Variants in PAN3 observed in about 807,000 individuals in gnomAD.
PAN3 encodes PAN2-PAN3 deadenylation complex subunit PAN3.
PAN3 carries 19 observed loss-of-function variants against 96.2 expected under a neutral mutation model. That is an observed-to-expected ratio of 0.20 (90% CI 0.14 to 0.29). The LOEUF (loss-of-function observed/expected upper bound fraction) is 0.29. Among genes scored for constraint, PAN3 ranks in the 10% least tolerant of loss-of-function variants. The pLI, the probability that PAN3 is intolerant of heterozygous loss-of-function variation, is 1.00. For missense variants in PAN3, 882 were observed against 1,108.1 expected, an observed-to-expected ratio of 0.80 and a Z score of 2.90; for synonymous variants, 433 against 406.6, an observed-to-expected ratio of 1.06 and a Z score of -0.78.
At position 28,173,576 on chromosome 13, in the gene PAN3, C is replaced by A. The variant is rs376479553; in HGVS notation, c.431-696C>A. 2.0e-5 allele frequency among the ~76,000 whole-genome samples: 3 copies of A among 152,162 alleles called. No individual in the cohort carries two copies. In the South Asian group the frequency reaches 6.2e-4, roughly 32 times the overall value. ...CCACATTTTTGTAGTTTGCTTCTTA[C>A]TGGGGTTGAAGGGGGTTTCTCAATG... On this transcript the variant is annotated intron_variant, in intron 1 of 18. Transcript: ENST00000380958.
chr13:28,274,623 A>G (rs1260745794), intron 14 of PAN3, among the ~76,000 whole-genome samples: 1 of 152,176 alleles, frequency 6.6e-6, no homozygotes, highest in African/African-American at 2.4e-5. Flanking sequence ...CTGAGTTCAG[A>G]CAACCAACTT....
chr13:28,239,649 C>G (rs1424391495), intron 6 of PAN3: 2 of 1,289,614 alleles, frequency 1.6e-6, no homozygotes, highest in Admixed American at 2.3e-5. Flanking sequence ...CTGACTGATT[C>G]GACTAAAGGA....
At chr13:28,237,610 T>G (rs1883231210) in intron 6 of PAN3, among the ~76,000 whole-genome samples, 1 of 152,210 alleles carries the variant, frequency 6.6e-6, no homozygotes, top group South Asian at 2.1e-4. Context: ...TTACATTAAC[T>G]CATAAAGTTA....
intron 6 of PAN3, among the ~76,000 whole-genome samples, chr13:28,253,990 G>T (rs1470660402): frequency 6.6e-6 from 1 of 152,108 alleles, no homozygotes; most frequent in East Asian, 1.9e-4. Context: ...CAGCCTTGAA[G>T]AGAGATTCTA....
At chr13:28,168,712 C>A (rs1309349890) in intron 1 of PAN3, among the ~76,000 whole-genome samples, 1 of 151,148 alleles carries the variant, frequency 6.6e-6, no homozygotes. Context: ...GAGCGAGACT[C>A]TCTTAAAAAA....
chr13:28,280,543 T>TA lies in PAN3; in HGVS notation c.2319+5dup, dbSNP rs773592879. ...GTCATAGAGGAAGACCTTGCAAAGG[T>TA]AAAGAGTGTAAATTTTTTTTTTTTT... On this transcript the variant is annotated splice_region_variant and intron_variant, in intron 16 of 18. Transcript: ENST00000380958. 2 of 1,491,508 alleles carry TA rather than the reference T, an allele frequency of 1.3e-6. No individual in the cohort carries two copies. The highest frequency in any genetic ancestry group is 1.8e-6 in the Non-Finnish European group (2 of 1,101,680). The allele number at this position is 1,491,508 out of a possible 1,614,324, so 92.4% of individuals were successfully genotyped here.
intron 1 of PAN3, among the ~76,000 whole-genome samples, chr13:28,154,362 T>G (rs1014714009): frequency 3.3e-5 from 5 of 152,176 alleles, no homozygotes; most frequent in Non-Finnish European, 1.5e-5. Flanking sequence ...TTGATTCATC[T>G]AAAATTTCTG....
intron 12 of PAN3, among the ~76,000 whole-genome samples, chr13:28,270,375 C>T (rs191166224): frequency 8.9e-4 from 135 of 152,264 alleles, no homozygotes; most frequent in African/African-American, 2.7e-3. Flanking sequence ...AAAACCTCTA[C>T]GGTTTCTGTT....
chr13:28,187,276 G>A (rs184764069), intron 4 of PAN3, among the ~76,000 whole-genome samples: 6 of 152,208 alleles, frequency 3.9e-5, no homozygotes, highest in East Asian at 1.9e-4. Context: ...GCAGCGAGCC[G>A]TGTTTGCACC....
At position 28,285,628 on chromosome 13, in the gene PAN3, C is replaced by T. The variant is rs1354578293; in HGVS notation, c.2385-2356C>T. Among the ~76,000 whole-genome samples, 7 of 152,150 alleles carry T rather than the reference C, an allele frequency of 4.6e-5. No individual in the cohort carries two copies. The South Asian group carries it at 1.2e-3, about 27-fold the overall frequency. On this transcript the variant is annotated intron_variant, in intron 17 of 18. Coordinates refer to ENST00000380958, the MANE Select transcript of PAN3 (RefSeq NM_175854.8). Reference sequence around the variant, plus strand: ...TAACTTCTTGTCCTGGAATTCTCATCGCTCAGATGTTAGACCTTTGCAATT... The same window carrying T: ...TAACTTCTTGTCCTGGAATTCTCATTGCTCAGATGTTAGACCTTTGCAATT...
chr13:28,176,409 G>T, intron 2 of PAN3, 84 bp from the exon 3 acceptor site: 1 of 1,226,764 alleles, frequency 8.2e-7, no homozygotes, highest in Non-Finnish European at 1.2e-6. Flanking sequence ...AGGGGAAGAA[G>T]CAAAGAGAGC....
intron 15 of PAN3, among the ~76,000 whole-genome samples, chr13:28,279,364 A>C (rs1887283713): frequency 6.6e-6 from 1 of 152,214 alleles, no homozygotes; most frequent in South Asian, 2.1e-4. Context: ...AAAATTGAAA[A>C]CCCAGTTTTA....
intron 5 of PAN3, among the ~76,000 whole-genome samples, chr13:28,205,862 A>T (rs1302334868): frequency 3.8e-5 from 5 of 131,114 alleles, no homozygotes; most frequent in Non-Finnish European, 8.5e-5. Context: ...ACTGTTTCTT[A>T]AAAAAAAAAA....
intron 6 of PAN3, among the ~76,000 whole-genome samples, chr13:28,255,868 G>T (rs1885098069): frequency 6.6e-6 from 1 of 151,234 alleles, no homozygotes; most frequent in Non-Finnish European, 1.5e-5. Context: ...TGTGCTATTT[G>T]TATTGTTAAT....
At chr13:28,292,316 T>G in intron 18 of PAN3, 66 bp from the exon 19 acceptor site, 1 of 1,444,978 alleles carries the variant, frequency 6.9e-7, no homozygotes, top group Non-Finnish European at 9.2e-7. Flanking sequence ...TTATTTTTGC[T>G]GCAAACGTAG....
chr13:28,254,055 A>G (rs115053577), intron 6 of PAN3, among the ~76,000 whole-genome samples: 1,559 of 152,256 alleles, frequency 0.01, 25 homozygotes, highest in African/African-American at 0.035. Context: ...CCTTCAGCCA[A>G]TGCTACACAT....
intron 18 of PAN3, 40 bp from the exon 19 acceptor site, chr13:28,292,340 TGC>T: frequency 6.7e-7 from 1 of 1,501,290 alleles, no homozygotes; most frequent in Non-Finnish European, 8.9e-7. Flanking sequence ...AATTCTTTTC[TGC>T]ATGTTATGAA....
chr13:28,215,922 C>A, intron 5 of PAN3: 1 of 1,175,858 alleles, frequency 8.5e-7, no homozygotes, highest in Non-Finnish European at 1.3e-6. Flanking sequence ...ACCTGCCACT[C>A]TAGTCTTAAT....
chr13:28,142,614 C>T (rs976874247), intron 1 of PAN3, among the ~76,000 whole-genome samples: 1 of 151,268 alleles, frequency 6.6e-6, no homozygotes, highest in Non-Finnish European at 1.5e-5. Context: ...CCATGTTGCC[C>T]AGGCCGGTCT....
Sources: allele counts gnomAD v4.1 joint callset (sites outside exome capture counted in the v4.1 genomes callset), GRCh38; gene constraint gnomAD v4.1.1; transcripts MANE v1.5; gene names NCBI Gene and HGNC (gene_info 2026-07-23, HGNC 2026-07-21).